Variants in SLC25A37 observed in about 807,000 individuals in gnomAD.
SLC25A37 encodes mitoferrin-1.
In SLC25A37, 17 loss-of-function variants were observed where a neutral mutation model predicts 31.0. The observed-to-expected ratio is 0.55, with a 90% CI of 0.38 to 0.82. SLC25A37 has a LOEUF of 0.82. Among genes scored for constraint, SLC25A37 ranks in the 40% least tolerant of loss-of-function variants. SLC25A37 has a pLI of 0.00. For synonymous variants in SLC25A37, 222 were observed against 193.0 expected (o/e 1.15, Z -1.24); for missense variants, 404 against 465.8 (o/e 0.87, Z 1.22).
Position 23,529,564 on chromosome 8 carries a change from A to AC in SLC25A37, c.210+354dup, listed in dbSNP as rs1801622330. On this transcript the variant is annotated intron_variant, in intron 1 of 3. Coordinates refer to ENST00000519973, the MANE Select transcript of SLC25A37 (RefSeq NM_016612.4). The surrounding 1 kb of genome is among the most constrained non-coding windows in gnomAD (Gnocchi z 4.1). ...GATCGCTGAAGCTCTGCACAGTCTT[A>AC]CCACGCTGGCCGTTCGGGCTGGCTG... 6.6e-6 allele frequency among the ~76,000 whole-genome samples: 1 copy of AC among 152,094 alleles called. No individual in the cohort carries two copies. The highest frequency in any genetic ancestry group is 2.4e-5 in the African/African-American group (1 of 41,434).
chr8:23,531,748 T>G (rs534586543), intron 1 of SLC25A37: 1 of 152,314 alleles, frequency 6.6e-6, no homozygotes, highest in African/African-American at 2.4e-5. Flanking sequence ...CTACTTATTT[T>G]GCAGTTCTAA....
At chr8:23,564,853 C>T (rs760830505) in intron 1 of SLC25A37, among the ~76,000 whole-genome samples, 12 of 151,794 alleles carry the variant, frequency 7.9e-5, no homozygotes, top group Non-Finnish European at 1.3e-4. Context: ...GTCTACCTAC[C>T]TACCTGTCTC....
At chr8:23,544,518 T>C in intron 1 of SLC25A37, among the ~76,000 whole-genome samples, 1 of 152,156 alleles carries the variant, frequency 6.6e-6, no homozygotes, top group East Asian at 1.9e-4. Flanking sequence ...AGCCCCTCTG[T>C]GGCAGGAAGG....
intron 1 of SLC25A37, among the ~76,000 whole-genome samples, chr8:23,563,191 T>A (rs1802561581): frequency 6.6e-6 from 1 of 152,158 alleles, no homozygotes; most frequent in Admixed American, 6.5e-5. Flanking sequence ...CTTTTTTAAT[T>A]TTTAATTTTT....
intron 1 of SLC25A37, among the ~76,000 whole-genome samples, chr8:23,545,918 C>A (rs1053891698): frequency 6.6e-6 from 1 of 152,224 alleles, no homozygotes; most frequent in African/African-American, 2.4e-5. Flanking sequence ...GGGTGGATCA[C>A]GAGGTCAGAA....
rs1459715528 is a variant in SLC25A37 at position 23,572,029 on chromosome 8, T to G, written c.*174T>G. 1.4e-6 allele frequency: 1 copy of G among 701,086 alleles called. No homozygotes were observed. The highest frequency in any genetic ancestry group is 1.8e-5 in the African/African-American group (1 of 55,198). 43.4% of individuals were successfully genotyped at this position (701,086 alleles called of 1,614,324 possible). On this transcript the variant is annotated 3_prime_UTR_variant, in exon 4 of 4. Coordinates refer to ENST00000519973, the MANE Select transcript of SLC25A37 (RefSeq NM_016612.4). ...CACGGCCGCTCACCGGAAGGCTGTGTGCGGGGACATCCGAGGTGGTGGTGG... is the reference window on the plus strand; with the variant it reads ...CACGGCCGCTCACCGGAAGGCTGTGGGCGGGGACATCCGAGGTGGTGGTGG...
chr8:23,549,524 G>A (rs1197107458), intron 1 of SLC25A37, among the ~76,000 whole-genome samples: 3 of 152,178 alleles, frequency 2.0e-5, no homozygotes, highest in African/African-American at 4.8e-5. Context: ...GCTGAAAGTC[G>A]AGTCTTGCGG....
intron 1 of SLC25A37, among the ~76,000 whole-genome samples, chr8:23,530,042 T>G (rs907343204): frequency 1.3e-5 from 2 of 152,154 alleles, no homozygotes; most frequent in Non-Finnish European, 2.9e-5. Context: ...GCGTTTTGCC[T>G]GGTAGACTGA....
At chr8:23,563,138 C>G (rs770375674) in intron 1 of SLC25A37, among the ~76,000 whole-genome samples, 1 of 152,174 alleles carries the variant, frequency 6.6e-6, no homozygotes, top group East Asian at 1.9e-4. Flanking sequence ...GGCACATTCA[C>G]TTTCTCGTCC....
intron 2 of SLC25A37, chr8:23,566,660 A>G (rs1385534431): frequency 1.1e-5 from 12 of 1,074,152 alleles, no homozygotes; most frequent in African/African-American, 1.7e-5. Context: ...AAAGCAATTA[A>G]TGATCAGACA....
At chr8:23,547,358 T>G (rs893598993) in intron 1 of SLC25A37, among the ~76,000 whole-genome samples, 2 of 152,206 alleles carry the variant, frequency 1.3e-5, no homozygotes, top group East Asian at 3.9e-4. Context: ...GATACACACA[T>G]ATAAGTCTTG....
chr8:23,530,620 C>A (rs749375134), intron 1 of SLC25A37, among the ~76,000 whole-genome samples: 1 of 152,160 alleles, frequency 6.6e-6, no homozygotes, highest in African/African-American at 2.4e-5. Flanking sequence ...TGGACTGATA[C>A]CAGGTGGCAT....
chr8:23,533,980 G>A (rs11785562), intron 1 of SLC25A37, among the ~76,000 whole-genome samples: 30,852 of 151,504 alleles, frequency 0.2, 3,233 homozygotes, highest in African/African-American at 0.23. Flanking sequence ...CAGGGTCTCG[G>A]TCTGTCACCC....
Position 23,568,203 on chromosome 8 carries a change from C to G in SLC25A37, c.440-119C>G, listed in dbSNP as rs1015003434. The G allele has an allele frequency of 3.1e-6, 3 of 975,792 alleles. No individual in the cohort carries two copies. In the African/African-American group the frequency reaches 4.8e-5, roughly 16 times the overall value. 60.4% of individuals were successfully genotyped at this position (975,792 alleles called of 1,614,324 possible). ...AGAGTCAGTGCTCACCTGGGCGGAG[C>G]TGGTAGTACATTTTGCTTCTTAGAA... On this transcript the variant is annotated intron_variant, in intron 2 of 3. Transcript: ENST00000519973.
At chr8:23,553,192 G>C (rs1400248563) in intron 1 of SLC25A37, among the ~76,000 whole-genome samples, 1 of 152,164 alleles carries the variant, frequency 6.6e-6, no homozygotes, top group African/African-American at 2.4e-5. Context: ...AGGCCGAGGT[G>C]GGTGGATCAC....
At position 23,573,953 on chromosome 8, in the gene SLC25A37, T is replaced by C. The variant is rs1014700551; in HGVS notation, c.*2098T>C. On this transcript the variant is annotated 3_prime_UTR_variant, in exon 4 of 4. Transcript: ENST00000519973. The stretch of plus-strand genomic sequence containing the variant: ...TGCCTTGGGTTCGTGTTAAATGGTG[T>C]TAAATTCTGCAAATGGAGGGGAAAA... 1.5e-5 allele frequency: 6 copies of C among 388,688 alleles called. No homozygotes were observed. Among genetic ancestry groups the C allele is most frequent in the Admixed American group, 1.2e-4 (4 of 32,080 alleles). The allele number at this position is 388,688 out of a possible 1,614,324, so 24.1% of individuals were successfully genotyped here. A position where few individuals can be genotyped will look rare whatever the true frequency, so the allele number is the denominator to read the frequency against.
At chr8:23,554,097 C>G (rs1312337303) in intron 1 of SLC25A37, among the ~76,000 whole-genome samples, 2 of 152,208 alleles carry the variant, frequency 1.3e-5, no homozygotes, top group Non-Finnish European at 2.9e-5. Flanking sequence ...GGCCGACCGC[C>G]TGGCTTCTTT....
intron 2 of SLC25A37, 123 bp from the exon 3 acceptor site, chr8:23,568,199 G>T (rs558073288): frequency 3.4e-5 from 32 of 940,522 alleles, no homozygotes; most frequent in Non-Finnish European, 7.1e-6. Context: ...TCACCTGGGC[G>T]GAGCTGGTAG....
In SLC25A37 at chr8:23,563,747, C is replaced by T. The variant is rs542597731; in HGVS notation, c.211-2361C>T. 3.9e-5 allele frequency among the ~76,000 whole-genome samples: 6 copies of T among 152,106 alleles called. No individual in the cohort carries two copies. The South Asian group carries it at 6.2e-4, about 16-fold the overall frequency. The stretch of plus-strand genomic sequence containing the variant: ...CTGTAATCCCAGCACTTTGGGAAGC[C>T]GAAGCAAGTGGATCTCGAGGTCACG... On this transcript the variant is annotated intron_variant, in intron 1 of 3. Coordinates refer to ENST00000519973, the MANE Select transcript of SLC25A37 (RefSeq NM_016612.4).
Sources: gnomAD v4.1 joint callset for allele counts (sites outside exome capture counted in the v4.1 genomes callset) on GRCh38, gnomAD v4.1.1 for gene constraint, Gnocchi (gnomAD v3.1) non-coding constraint, MANE v1.5 for transcripts, NCBI Gene and HGNC (gene_info 2026-07-23, HGNC 2026-07-21) for gene names.